BICRA: variants seen among roughly 807,000 people sequenced by gnomAD.
BICRA encodes BRD4 interacting chromatin remodeling complex associated protein, also known as BRD4-interacting chromatin-remodeling complex-associated protein.
Under a neutral mutation model 96.9 loss-of-function variants are expected in BICRA, and 31 were observed. The observed-to-expected ratio is 0.32, with a 90% CI of 0.24 to 0.43. The LOEUF (loss-of-function observed/expected upper bound fraction) is 0.43, where lower values mean the gene tolerates loss of function less well. Among genes scored for constraint, BICRA ranks in the 20% least tolerant of loss-of-function variants. The probability of loss-of-function intolerance (pLI) is 1.00; values close to 1 mark genes in which losing one functional copy is unlikely to be tolerated. For missense variants in BICRA, 2,283 were observed against 2,190.3 expected (o/e 1.04, Z -0.84); for synonymous variants, 1,350 against 1,071.8 (o/e 1.26, Z -5.07).
chr19:47,633,832 G>A (rs1230465898), intron 1 of BICRA, among the ~76,000 whole-genome samples: 4 of 152,182 alleles, frequency 2.6e-5, no homozygotes, highest in Non-Finnish European at 4.4e-5. Flanking sequence ...TTTATAACCC[G>A]TCTTTATTGA....
intron 1 of BICRA, among the ~76,000 whole-genome samples, chr19:47,648,189 T>C (rs540457424): frequency 1.6e-4 from 25 of 151,940 alleles, no homozygotes; most frequent in Non-Finnish European, 3.5e-4. Context: ...TGCCCATCCC[T>C]ATAGATTGGG....
intron 1 of BICRA, among the ~76,000 whole-genome samples, chr19:47,660,586 A>G (rs1972689636): frequency 6.6e-6 from 1 of 152,152 alleles, no homozygotes; most frequent in Admixed American, 6.5e-5. Context: ...ACATCACCTC[A>G]TTTGTCTGTC....
chr19:47,612,877 C>T (rs921950333), intron 1 of BICRA, among the ~76,000 whole-genome samples: 1 of 152,094 alleles, frequency 6.6e-6, no homozygotes, highest in Non-Finnish European at 1.5e-5. Flanking sequence ...CCCCTTATCC[C>T]CGCAGCCACT....
At chr19:47,617,074 C>T (rs183334289) in intron 1 of BICRA, among the ~76,000 whole-genome samples, 2 of 66,040 alleles carry the variant, frequency 3.0e-5, no homozygotes, top group East Asian at 3.5e-4. Flanking sequence ...GCAATCCACC[C>T]GCCTCAGCTT....
chr19:47,610,169 C>T (rs1971879877), intron 1 of BICRA, among the ~76,000 whole-genome samples: 1 of 152,202 alleles, frequency 6.6e-6, no homozygotes, highest in Non-Finnish European at 1.5e-5. Context: ...CGGAGGGCAG[C>T]CAGGCCGCGG....
At chr19:47,656,133 T>C (rs1972615242) in intron 1 of BICRA, among the ~76,000 whole-genome samples, 1 of 148,150 alleles carries the variant, frequency 6.7e-6, no homozygotes, top group Non-Finnish European at 1.5e-5. Flanking sequence ...AAGTAAATTT[T>C]AGAATTAGCC....
Position 47,694,531 on chromosome 19 carries a change from C to G in BICRA, c.2700C>G (p.Ala900=). The G allele has an allele frequency of 6.2e-7, 1 of 1,610,274 alleles. No homozygotes were observed. Residue 900 remains alanine (A), a synonymous_variant, in exon 8 of 15, where the codon GCC becomes GCG. Coordinates refer to ENST00000594866, the MANE Select transcript of BICRA (RefSeq NM_001394372.1). ...CTGAGACGTCCTCCAGGTTGCCAGC[C>G]CCTACGCCATCCGACTTCCAGCTCC... is the stretch of plus-strand genomic sequence containing the variant. ...SSSETSSRLP[A]PTPSDFQLQF...
intron 10 of BICRA, 46 bp downstream of exon 10, chr19:47,695,520 C>T (rs544478170): frequency 4.1e-5 from 37 of 905,068 alleles, no homozygotes; most frequent in East Asian, 2.4e-4. Context: ...CAGGAGTCTT[C>T]GGGAACTGGG....
At chr19:47,639,816 A>T (rs957462792) in intron 1 of BICRA, among the ~76,000 whole-genome samples, 4 of 149,810 alleles carry the variant, frequency 2.7e-5, no homozygotes, top group African/African-American at 7.4e-5. Flanking sequence ...CTAATTTAAA[A>T]TTTTTTTTGT....
chr19:47,679,364 C>T lies in BICRA; in HGVS notation c.194C>T (p.Pro65Leu). Residue 65 changes from proline to leucine, a missense_variant, in exon 6 of 15, where the codon CCC becomes CTC. Physicochemically the swap from Pro to Leu is moderately conservative, Grantham distance 98 (BLOSUM62 -3). Coordinates refer to ENST00000594866, the MANE Select transcript of BICRA (RefSeq NM_001394372.1). The part of the protein sequence containing the change: ...EASGNHLNPE[P>L]NQPAPSVDLD... ...TCCGGCAACCACCTGAACCCAGAGCCCAACCAGCCGGCCCCCAGTGTGGAC... is the reference window on the plus strand; with the variant it reads ...TCCGGCAACCACCTGAACCCAGAGCTCAACCAGCCGGCCCCCAGTGTGGAC... The T allele has an allele frequency of 7.0e-7, 1 of 1,434,052 alleles. No homozygotes were observed. The highest frequency in any genetic ancestry group is 9.2e-7 in the Non-Finnish European group (1 of 1,091,940). The allele number at this position is 1,434,052 out of a possible 1,614,324, so 88.8% of individuals were successfully genotyped here.
intron 1 of BICRA, among the ~76,000 whole-genome samples, chr19:47,637,366 A>T (rs1972315149): frequency 6.6e-6 from 1 of 151,502 alleles, no homozygotes; most frequent in African/African-American, 2.4e-5. Context: ...TGATCCACCC[A>T]CCTCAGCCTC....
chr19:47,690,246 C>T (rs939550349), intron 7 of BICRA, among the ~76,000 whole-genome samples: 12 of 152,162 alleles, frequency 7.9e-5, no homozygotes, highest in Non-Finnish European at 1.6e-4. Flanking sequence ...AGGTGATCCA[C>T]CCGCCTCAGC....
rs1432167971 is a variant in BICRA, at chr19:47,702,087, C to T, written c.4355C>T (p.Ala1452Val). ...RMLKGPPPEPAASAAQGTGDP... is the reference protein window; with the variant it reads ...RMLKGPPPEPVASAAQGTGDP... The stretch of plus-strand genomic sequence containing the variant: ...CTGAAGGGCCCCCCGCCAGAGCCCG[C>T]AGCCAGCGCCGCCCAAGGCACCGGG... Residue 1452 changes from alanine to valine, a missense_variant, in exon 15 of 15, where the codon GCA becomes GTA. Ala to Val is a moderately conservative substitution (Grantham distance 64). Coordinates refer to ENST00000594866, the MANE Select transcript of BICRA (RefSeq NM_001394372.1). The T allele has an allele frequency of 5.3e-6, 8 of 1,513,642 alleles. No homozygotes were observed. The highest frequency in any genetic ancestry group is 7.0e-6 in the Non-Finnish European group (8 of 1,139,410). The allele number at this position is 1,513,642 out of a possible 1,614,324, so 93.8% of individuals were successfully genotyped here. A position where few individuals can be genotyped will look rare whatever the true frequency, so the allele number is the denominator to read the frequency against.
intron 1 of BICRA, among the ~76,000 whole-genome samples, chr19:47,620,094 T>C (rs1011508605): frequency 2.0e-5 from 3 of 152,126 alleles, no homozygotes; most frequent in East Asian, 1.9e-4. Flanking sequence ...CATGATCCTT[T>C]TGAGATGCAG....
intron 1 of BICRA, among the ~76,000 whole-genome samples, chr19:47,666,070 G>T (rs1972774004): frequency 6.6e-6 from 1 of 152,194 alleles, no homozygotes; most frequent in Non-Finnish European, 1.5e-5. Flanking sequence ...TGGATTAGAG[G>T]TGTTCCTATG....
intron 5 of BICRA, 118 bp from the exon 6 acceptor site, chr19:47,679,203 A>G (rs1972987288): frequency 4.9e-6 from 3 of 615,804 alleles, no homozygotes; most frequent in South Asian, 8.9e-5. Context: ...GCCAGGAGGG[A>G]ATGTTCTTTC....
rs1973014459 is a variant in BICRA, at chr19:47,680,200, C to T, written c.1030C>T (p.Leu344=). Residue 344 remains leucine (L), a synonymous_variant, in exon 6 of 15, where the codon CTG becomes TTG. Transcript: ENST00000594866. ...SPLVPAPNVI[L]HRTPTPIQPK... is the part of the protein sequence containing the mutation. Reference sequence around the variant, plus strand: ...ACTGGTCCCGGCGCCCAACGTGATCCTGCATCGCACACCCACGCCCATCCA... The same window carrying T: ...ACTGGTCCCGGCGCCCAACGTGATCTTGCATCGCACACCCACGCCCATCCA... The T allele has an allele frequency of 1.9e-6, 3 of 1,551,852 alleles. No individual in the cohort carries two copies. Among genetic ancestry groups the T allele is most frequent in the Non-Finnish European group, 1.7e-6 (2 of 1,157,512 alleles).
chr19:47,690,048 C>T (rs1973217803), intron 7 of BICRA, among the ~76,000 whole-genome samples: 1 of 152,112 alleles, frequency 6.6e-6, no homozygotes, highest in Admixed American at 6.5e-5. Context: ...TTTGCCCAGG[C>T]TGGAGTGCAA....
At chr19:47,653,021 T>TC (rs1972563114) in intron 1 of BICRA, among the ~76,000 whole-genome samples, 1 of 149,280 alleles carries the variant, frequency 6.7e-6, no homozygotes, top group African/African-American at 2.5e-5. Context: ...CATTCTTTTT[T>TC]TTTTTTTTTT....
Sources: allele counts gnomAD v4.1 joint callset (sites outside exome capture counted in the v4.1 genomes callset), GRCh38; gene constraint gnomAD v4.1.1; transcripts MANE v1.5; gene names NCBI Gene and HGNC (gene_info 2026-07-23, HGNC 2026-07-21).